Variants in PIP4K2A observed in about 807,000 individuals in gnomAD.
PIP4K2A encodes the protein phosphatidylinositol 5-phosphate 4-kinase type-2 alpha.
A neutral mutation model predicts 42.9 loss-of-function variants in PIP4K2A; 14 were observed. That is an observed-to-expected ratio of 0.33 (90% confidence interval 0.22 to 0.51). The LOEUF is 0.51. PIP4K2A is among the 20% of genes least tolerant of loss of function. The probability of loss-of-function intolerance (pLI) is 0.97; values close to 1 mark genes in which losing one functional copy is unlikely to be tolerated. For synonymous variants in PIP4K2A, 192 were observed against 192.2 expected (o/e 1.00, Z 0.01); for missense variants, 434 against 519.8 (o/e 0.83, Z 1.61).
chr10:22,577,512 G>A (rs2130801766), intron 4 of PIP4K2A, among the ~76,000 whole-genome samples: 1 of 152,294 alleles, frequency 6.6e-6, no homozygotes, highest in East Asian at 1.9e-4. Flanking sequence ...ATGAGTAGAA[G>A]CTTCCTGAGG....
intron 1 of PIP4K2A, among the ~76,000 whole-genome samples, chr10:22,639,999 G>C (rs997717640): frequency 5.7e-5 from 8 of 139,770 alleles, no homozygotes; most frequent in Non-Finnish European, 1.1e-4. Flanking sequence ...TCCAATAGAT[G>C]CATGGATGTG....
intron 9 of PIP4K2A, among the ~76,000 whole-genome samples, chr10:22,538,166 C>T (rs767500627): frequency 2.0e-5 from 3 of 152,220 alleles, no homozygotes; most frequent in Non-Finnish European, 4.4e-5. Flanking sequence ...TTCCAGGCCT[C>T]GGCTGCATGG....
At chr10:22,606,557 T>C (rs760980717) in intron 3 of PIP4K2A, among the ~76,000 whole-genome samples, 1 of 151,148 alleles carries the variant, frequency 6.6e-6, no homozygotes, top group Non-Finnish European at 1.5e-5. Context: ...TGAGTAAACA[T>C]ATGAAAAATT....
intron 6 of PIP4K2A, among the ~76,000 whole-genome samples, chr10:22,566,189 G>A (rs1836844147): frequency 6.6e-6 from 1 of 152,040 alleles, no homozygotes; most frequent in Non-Finnish European, 1.5e-5. Flanking sequence ...GTTTTTTGTG[G>A]CTTGTGGGGC....
chr10:22,629,724 T>C (rs536863394), intron 1 of PIP4K2A, among the ~76,000 whole-genome samples: 18 of 152,288 alleles, frequency 1.2e-4, no homozygotes, highest in Admixed American at 5.2e-4. Context: ...CTCTTACCCT[T>C]TTTAACACTC....
At chr10:22,628,933 A>G (rs1838498524) in intron 1 of PIP4K2A, among the ~76,000 whole-genome samples, 1 of 152,046 alleles carries the variant, frequency 6.6e-6, no homozygotes, top group Non-Finnish European at 1.5e-5. Context: ...GGCATGTCCA[A>G]CCCCCTCTTC....
At chr10:22,694,124 A>G (rs943112090) in intron 1 of PIP4K2A, 1 of 152,124 alleles carries the variant, frequency 6.6e-6, no homozygotes, top group Non-Finnish European at 1.5e-5. Flanking sequence ...TCCTAGTACC[A>G]ATCCCCTGGG....
At chr10:22,646,242 C>T (rs899709721) in intron 1 of PIP4K2A, 5 of 152,058 alleles carry the variant, frequency 3.3e-5, no homozygotes, top group African/African-American at 7.2e-5. Flanking sequence ...ATGTGCCTCT[C>T]GATGAAGACA....
chr10:22,565,561 G>C (rs1208042520), intron 6 of PIP4K2A, among the ~76,000 whole-genome samples: 2 of 152,114 alleles, frequency 1.3e-5, no homozygotes, highest in Non-Finnish European at 2.9e-5. Flanking sequence ...GTTGCCTCAG[G>C]ACCATGGGAT....
intron 6 of PIP4K2A, among the ~76,000 whole-genome samples, chr10:22,554,109 C>T (rs1404827991): frequency 6.6e-6 from 1 of 151,998 alleles, no homozygotes; most frequent in Non-Finnish European, 1.5e-5. Flanking sequence ...CCACTGCACT[C>T]CAGCCTGGGT....
chr10:22,568,629 C>T (rs1183556824), intron 5 of PIP4K2A, among the ~76,000 whole-genome samples: 1 of 152,248 alleles, frequency 6.6e-6, no homozygotes, highest in Non-Finnish European at 1.5e-5. Context: ...CAAAACTCTG[C>T]CTTAGAGCTC....
At chr10:22,641,172 G>A (rs574362488) in intron 1 of PIP4K2A, among the ~76,000 whole-genome samples, 243 of 152,194 alleles carry the variant, frequency 1.6e-3, no homozygotes, top group African/African-American at 5.7e-3. Context: ...GGGTACTCTG[G>A]AGACCACCTA....
chr10:22,549,336 C>A (rs4748811), intron 7 of PIP4K2A, among the ~76,000 whole-genome samples: 105,140 of 151,384 alleles, frequency 0.69, 37,183 homozygotes, highest in African/African-American at 0.82. Context: ...CTGTGGCTTT[C>A]GTCATTTTCT....
intron 6 of PIP4K2A, among the ~76,000 whole-genome samples, chr10:22,554,618 C>G (rs76203411): frequency 1.3e-5 from 2 of 152,310 alleles, no homozygotes; most frequent in South Asian, 4.1e-4. Context: ...TCTCCGAGGC[C>G]GGCTTCCAGC....
chr10:22,673,803 G>A (rs1256293164), intron 1 of PIP4K2A, among the ~76,000 whole-genome samples: 1 of 152,050 alleles, frequency 6.6e-6, no homozygotes, highest in Non-Finnish European at 1.5e-5. Flanking sequence ...AGAATAAAAA[G>A]GGATACTATT....
chr10:22,560,682 G>C (rs527754053), intron 6 of PIP4K2A, among the ~76,000 whole-genome samples: 1 of 152,250 alleles, frequency 6.6e-6, no homozygotes, highest in East Asian at 1.9e-4. Flanking sequence ...CTTTCAAATG[G>C]GTTTCAGGAA....
At chr10:22,631,902 A>C (rs1206035612) in intron 1 of PIP4K2A, among the ~76,000 whole-genome samples, 10 of 152,182 alleles carry the variant, frequency 6.6e-5, no homozygotes, top group Non-Finnish European at 1.2e-4. Flanking sequence ...CACTGACATC[A>C]CCGTAACCAA....
chr10:22,656,509 T>C (rs1181571756), intron 1 of PIP4K2A, among the ~76,000 whole-genome samples: 1 of 152,180 alleles, frequency 6.6e-6, no homozygotes, highest in East Asian at 1.9e-4. Context: ...ACCATCTTGC[T>C]GCTACAAGGG....
intron 3 of PIP4K2A, among the ~76,000 whole-genome samples, chr10:22,599,773 T>C (rs1437134649): frequency 6.6e-6 from 1 of 152,148 alleles, no homozygotes; most frequent in Non-Finnish European, 1.5e-5. Context: ...CCTTACACTA[T>C]CCTAGCTCAA....
Sources: allele counts gnomAD v4.1 joint callset (sites outside exome capture counted in the v4.1 genomes callset), GRCh38; gene constraint gnomAD v4.1.1; transcripts MANE v1.5; gene names NCBI Gene and HGNC (gene_info 2026-07-23, HGNC 2026-07-21).